RIMS1: variants seen among roughly 807,000 people sequenced by gnomAD.
RIMS1 encodes the protein regulating synaptic membrane exocytosis 1, also known as regulating synaptic membrane exocytosis protein 1.
RIMS1 carries 83 observed loss-of-function variants against 214.1 expected under a neutral mutation model. The ratio of observed to expected loss-of-function variants is 0.39; its 90% CI spans 0.32 to 0.47. The LOEUF (loss-of-function observed/expected upper bound fraction) is 0.47, where lower values mean the gene tolerates loss of function less well. Among genes scored for constraint, RIMS1 ranks in the 20% least tolerant of loss-of-function variants. RIMS1 has a pLI of 0.99. For synonymous variants in RIMS1, 793 were observed against 786.8 expected (o/e 1.01, Z -0.13); for missense variants, 2,050 against 2,161.8 (o/e 0.95, Z 1.03).
intron 8 of RIMS1, among the ~76,000 whole-genome samples, chr6:72,237,227 GAGA>G (rs892289799): frequency 5.8e-5 from 8 of 138,698 alleles, no homozygotes; most frequent in South Asian, 2.3e-4. Context: ...GAGAGAGAGA[GAGA>G]AAAAAAAAAG....
chr6:71,889,106 G>C (rs1768766738), intron 1 of RIMS1, among the ~76,000 whole-genome samples: 1 of 152,168 alleles, frequency 6.6e-6, no homozygotes, highest in Non-Finnish European at 1.5e-5. Flanking sequence ...ACAGCAGGTG[G>C]ATGGAGGCCT....
At chr6:72,399,218 A>G (rs2098812554) in intron 33 of RIMS1, 124 bp downstream of exon 33, 6 of 665,112 alleles carry the variant, frequency 9.0e-6, no homozygotes, top group Non-Finnish European at 1.3e-5. Context: ...ATTCTTGAGT[A>G]GACAAAATTC....
chr6:72,334,748 C>A (rs2096782900), intron 29 of RIMS1, among the ~76,000 whole-genome samples: 1 of 151,882 alleles, frequency 6.6e-6, no homozygotes, highest in South Asian at 2.1e-4. Context: ...TCTCACTCAG[C>A]ATTCTGGAAA....
In RIMS1 at chr6:72,148,743, G is replaced by A. The variant is rs375914244; in HGVS notation, c.472-30832G>A. The A allele has an allele frequency of 3.4e-4, 144 of 428,112 alleles. No homozygotes were observed. In the East Asian group the frequency reaches 5.6e-3, roughly 17 times the overall value. 26.5% of individuals were successfully genotyped at this position (428,112 alleles called of 1,614,324 possible). The stretch of plus-strand genomic sequence containing the variant: ...TTTTTTTTTTTCTAGGGCTTCAATC[G>A]AAAGCTCAGGATTGAGTTTGGGACA... On this transcript the variant is annotated intron_variant, in intron 4 of 33. Transcript: ENST00000521978.
chr6:72,265,153 G>T, intron 20 of RIMS1, 101 bp downstream of exon 20: 1 of 674,762 alleles, frequency 1.5e-6, no homozygotes, highest in Non-Finnish European at 2.5e-6. Context: ...TATTAAATAG[G>T]AAATTTACAT....
At chr6:72,361,070 T>C (rs1478590334) in intron 29 of RIMS1, among the ~76,000 whole-genome samples, 1 of 147,920 alleles carries the variant, frequency 6.8e-6, no homozygotes, top group African/African-American at 2.5e-5. Flanking sequence ...TTTTGAGTAA[T>C]CTTCTGTAGG....
At chr6:72,159,131 C>T (rs1159007972) in intron 4 of RIMS1, among the ~76,000 whole-genome samples, 3 of 141,062 alleles carry the variant, frequency 2.1e-5, no homozygotes, top group African/African-American at 7.4e-5. Flanking sequence ...TTTTGATTTG[C>T]ATTTCTCTGA....
chr6:72,061,002 T>C (rs1827700885), intron 2 of RIMS1, among the ~76,000 whole-genome samples: 1 of 152,202 alleles, frequency 6.6e-6, no homozygotes, highest in Non-Finnish European at 1.5e-5. Flanking sequence ...GATATTGATA[T>C]TGATATTTGC....
At chr6:72,156,403 T>C (rs926524140) in intron 4 of RIMS1, among the ~76,000 whole-genome samples, 2 of 140,644 alleles carry the variant, frequency 1.4e-5, no homozygotes, top group Non-Finnish European at 3.2e-5. Context: ...CACTTATCAC[T>C]TGTATATGGA....
At chr6:72,212,230 G>A (rs2053942180) in intron 6 of RIMS1, among the ~76,000 whole-genome samples, 1 of 151,536 alleles carries the variant, frequency 6.6e-6, no homozygotes, top group African/African-American at 2.4e-5. Flanking sequence ...CATAAATTAG[G>A]AATATGCATC....
chr6:72,238,531 T>C (rs183313545), intron 9 of RIMS1, among the ~76,000 whole-genome samples: 1 of 152,296 alleles, frequency 6.6e-6, no homozygotes, highest in Admixed American at 6.5e-5. Flanking sequence ...AATGAAATTA[T>C]TTAATATATG....
At chr6:72,223,947 C>CAAA (rs34645921) in intron 6 of RIMS1, among the ~76,000 whole-genome samples, 67 of 105,800 alleles carry the variant, frequency 6.3e-4, no homozygotes, top group East Asian at 1.3e-3. Context: ...GACTCCGTCT[C>CAAA]AAAAAAAAAA....
chr6:72,380,901 C>G (rs1425978354), intron 29 of RIMS1, among the ~76,000 whole-genome samples: 1 of 152,078 alleles, frequency 6.6e-6, no homozygotes, highest in Non-Finnish European at 1.5e-5. Flanking sequence ...TTAATCTCAT[C>G]CTCAGACAAT....
intron 6 of RIMS1, among the ~76,000 whole-genome samples, chr6:72,198,191 C>G (rs531479874): frequency 6.6e-6 from 1 of 152,014 alleles, no homozygotes; most frequent in Non-Finnish European, 1.5e-5. Context: ...AGCAAAGATA[C>G]TGAATCAAAC....
At chr6:72,223,402 A>G (rs921669247) in intron 6 of RIMS1, among the ~76,000 whole-genome samples, 3 of 152,208 alleles carry the variant, frequency 2.0e-5, no homozygotes, top group Admixed American at 6.5e-5. Context: ...ACTAAATTAT[A>G]TTGTGTACAT....
intron 6 of RIMS1, chr6:72,212,988 G>A (rs2054099946): frequency 7.0e-7 from 1 of 1,429,150 alleles, no homozygotes; most frequent in South Asian, 1.6e-5. Flanking sequence ...TGCTGGTCCT[G>A]TTGTTCAATG....
At chr6:71,945,557 A>G (rs1012759123) in intron 1 of RIMS1, among the ~76,000 whole-genome samples, 1 of 152,124 alleles carries the variant, frequency 6.6e-6, no homozygotes, top group Admixed American at 6.5e-5. Flanking sequence ...CATAGCTAAC[A>G]TCATACTCAC....
chr6:72,213,825 T>C (rs1172547017), intron 6 of RIMS1, among the ~76,000 whole-genome samples: 1 of 152,208 alleles, frequency 6.6e-6, no homozygotes, highest in Non-Finnish European at 1.5e-5. Flanking sequence ...TTGCATTTGA[T>C]GTTAGGTTTT....
At chr6:72,005,261 T>G (rs1361299112) in intron 2 of RIMS1, among the ~76,000 whole-genome samples, 1 of 152,222 alleles carries the variant, frequency 6.6e-6, no homozygotes, top group Non-Finnish European at 1.5e-5. Flanking sequence ...GCATGCTGTT[T>G]TGGTTACTGT....
Sources: gnomAD v4.1 joint callset for allele counts (sites outside exome capture counted in the v4.1 genomes callset) on GRCh38, gnomAD v4.1.1 for gene constraint, MANE v1.5 for transcripts, NCBI Gene and HGNC (gene_info 2026-07-23, HGNC 2026-07-21) for gene names.